Variants in ESR1 observed in about 807,000 individuals in gnomAD.
ESR1 encodes estrogen receptor 1.
In ESR1, 12 loss-of-function variants were observed where a neutral mutation model predicts 52.7. That is an observed-to-expected ratio of 0.23 (90% CI 0.15 to 0.37). The LOEUF is 0.37. Ranked by LOEUF, ESR1 falls within the 10% of genes least tolerant of loss-of-function variation. The pLI is 1.00. For missense variants in ESR1, 584 were observed against 779.7 expected, an observed-to-expected ratio of 0.75 and a Z score of 2.99; for synonymous variants, 305 against 316.8, an observed-to-expected ratio of 0.96 and a Z score of 0.39.
chr6:151,925,728 A>G (rs913341796), intron 3 of ESR1, among the ~76,000 whole-genome samples: 1 of 151,860 alleles, frequency 6.6e-6, no homozygotes, highest in African/African-American at 2.4e-5. Context: ...CATGTGTTTC[A>G]CAAATAATTT....
At chr6:151,766,847 C>G (rs1785096783) in intron 2 of ESR1, among the ~76,000 whole-genome samples, 1 of 152,092 alleles carries the variant, frequency 6.6e-6, no homozygotes, top group African/African-American at 2.4e-5. Context: ...CTTACATTAC[C>G]TTCTGTAATC....
intron 4 of ESR1, among the ~76,000 whole-genome samples, chr6:151,967,220 C>G (rs141180904): frequency 2.0e-5 from 3 of 152,196 alleles, no homozygotes; most frequent in Non-Finnish European, 4.4e-5. Context: ...TTCTGGGATA[C>G]ATGTGCAGAA....
At chr6:151,834,669 G>A (rs1216328181) in intron 1 of ESR1, among the ~76,000 whole-genome samples, 3 of 151,912 alleles carry the variant, frequency 2.0e-5, no homozygotes, top group Non-Finnish European at 4.4e-5. Context: ...TGCACATTCT[G>A]CACATGTATC....
At chr6:151,981,829 T>A (rs2040020822) in intron 4 of ESR1, among the ~76,000 whole-genome samples, 1 of 152,126 alleles carries the variant, frequency 6.6e-6, no homozygotes, top group Non-Finnish European at 1.5e-5. Context: ...CTTCCAGCAG[T>A]TTGTCTGTCT....
chr6:152,122,607 C>A (rs1402630826), intron 6 of ESR1: 3 of 1,614,066 alleles, frequency 1.9e-6, no homozygotes, highest in African/African-American at 1.3e-5. Context: ...GGACTCTGAA[C>A]AGGAAGCCGC....
At chr6:151,762,304 G>A (rs1784719053) in intron 2 of ESR1, among the ~76,000 whole-genome samples, 1 of 152,164 alleles carries the variant, frequency 6.6e-6, no homozygotes, top group South Asian at 2.1e-4. Context: ...ACATCCATTG[G>A]GAAGCATGTT....
intron 2 of ESR1, among the ~76,000 whole-genome samples, chr6:151,762,650 T>C (rs1442907266): frequency 6.6e-6 from 1 of 152,192 alleles, no homozygotes; most frequent in Non-Finnish European, 1.5e-5. Flanking sequence ...AAAGTGACCA[T>C]TAATAATCTA....
At chr6:151,761,142 T>C (rs1784630380) in intron 2 of ESR1, among the ~76,000 whole-genome samples, 1 of 151,866 alleles carries the variant, frequency 6.6e-6, no homozygotes, top group Non-Finnish European at 1.5e-5. Flanking sequence ...CTACTAATTA[T>C]TCAACACATG....
chr6:152,028,320 C>T (rs1024564702), intron 5 of ESR1, among the ~76,000 whole-genome samples: 28 of 152,092 alleles, frequency 1.8e-4, no homozygotes, highest in Non-Finnish European at 4.0e-4. Context: ...TGCAGCGCAC[C>T]AAGCATGAGC....
intron 4 of ESR1, among the ~76,000 whole-genome samples, chr6:152,006,263 G>A (rs1273580745): frequency 6.6e-6 from 1 of 151,906 alleles, no homozygotes; most frequent in Non-Finnish European, 1.5e-5. Flanking sequence ...TTATTTAAAT[G>A]GATTAAACCC....
At chr6:151,962,051 A>G (rs1443873418) in intron 4 of ESR1, among the ~76,000 whole-genome samples, 2 of 152,068 alleles carry the variant, frequency 1.3e-5, no homozygotes, top group African/African-American at 2.4e-5. Flanking sequence ...GTGAGGAGGG[A>G]GTGGATGTTG....
chr6:152,044,798 T>C (rs1387148038), intron 5 of ESR1, among the ~76,000 whole-genome samples: 2 of 152,196 alleles, frequency 1.3e-5, no homozygotes, highest in Non-Finnish European at 2.9e-5. Flanking sequence ...CCCACCCAGA[T>C]TGAGGATGGG....
chr6:152,014,375 C>T (rs2043007912), intron 5 of ESR1, among the ~76,000 whole-genome samples: 1 of 152,072 alleles, frequency 6.6e-6, no homozygotes, highest in South Asian at 2.1e-4. Context: ...ACATTTCTAC[C>T]TATCTTCTGT....
Position 151,850,064 on chromosome 6 carries a change from A to G in ESR1, c.643+7277A>G, listed in dbSNP as rs867142186. On this transcript the variant is annotated intron_variant, in intron 2 of 7. Transcript: ENST00000206249. ...TATAATTTTATATATATATAATTTT[A>G]TATATATATAAAAAATTATATATAT... Among the ~76,000 whole-genome samples the G allele has an allele frequency of 8.1e-3, 916 of 112,926 alleles. 6 individuals carry two copies. Among genetic ancestry groups the G allele is most frequent in the Non-Finnish European group, 0.011 (633 of 56,474 alleles). The allele number at this position is 112,926 out of a possible 152,430, so 74.1% of individuals were successfully genotyped here.
At chr6:152,059,374 A>G (rs569804645) in intron 5 of ESR1, among the ~76,000 whole-genome samples, 10 of 152,096 alleles carry the variant, frequency 6.6e-5, no homozygotes, top group African/African-American at 2.4e-4. Flanking sequence ...AGAGGAATAA[A>G]TGAAACGTTC....
At chr6:151,740,029 T>C (rs942716894) in intron 2 of ESR1, among the ~76,000 whole-genome samples, 3 of 152,228 alleles carry the variant, frequency 2.0e-5, no homozygotes, top group African/African-American at 7.2e-5. Flanking sequence ...TTTAGACTTA[T>C]GCCTGTATTA....
chr6:151,797,291 G>A (rs1244717628), intron 2 of ESR1, among the ~76,000 whole-genome samples: 1 of 152,198 alleles, frequency 6.6e-6, no homozygotes, highest in Admixed American at 6.5e-5. Flanking sequence ...CAGACTGATT[G>A]AGCAAGAGTT....
At position 152,074,396 on chromosome 6, in the gene ESR1, T is replaced by C. The variant is rs182205455; in HGVS notation, c.1369+13272T>C. Among the ~76,000 whole-genome samples, 26 of 152,300 alleles carry C rather than the reference T, an allele frequency of 1.7e-4. No homozygotes were observed. The East Asian group carries it at 4.2e-3, about 25-fold the overall frequency. ...ACTCAGTGATATGCATTTAAGGTTC[T>C]TCCATGTCTTTTTATGGCTTGATAG... is the stretch of plus-strand genomic sequence containing the variant. On this transcript the variant is annotated intron_variant, in intron 6 of 7. Transcript: ENST00000206249.
At chr6:151,764,027 A>AGTT (rs1784853427) in intron 2 of ESR1, among the ~76,000 whole-genome samples, 1 of 152,122 alleles carries the variant, frequency 6.6e-6, no homozygotes, top group Non-Finnish European at 1.5e-5. Context: ...GGAAACAGGC[A>AGTT]GTTCCCTGTT....
Sources: gnomAD v4.1 joint callset for allele counts (sites outside exome capture counted in the v4.1 genomes callset) on GRCh38, gnomAD v4.1.1 for gene constraint, MANE v1.5 for transcripts, NCBI Gene and HGNC (gene_info 2026-07-23, HGNC 2026-07-21) for gene names.